Variants in UNC5C observed in about 807,000 individuals in gnomAD.
UNC5C encodes the protein netrin receptor UNC5C.
A neutral mutation model predicts 99.8 loss-of-function variants in UNC5C; 47 were observed. That is an observed-to-expected ratio of 0.47 (90% CI 0.37 to 0.60). The LOEUF (loss-of-function observed/expected upper bound fraction) is 0.60. Among genes scored for constraint, UNC5C ranks in the 20% least tolerant of loss-of-function variants. The pLI, the probability that UNC5C is intolerant of heterozygous loss-of-function variation, is 0.00. For synonymous variants in UNC5C, 487 were observed against 452.2 expected (o/e 1.08, Z -0.98); for missense variants, 1,062 against 1,165.9 (o/e 0.91, Z 1.30).
chr4:95,484,672 C>T (rs1447241948), intron 1 of UNC5C, among the ~76,000 whole-genome samples: 1 of 151,812 alleles, frequency 6.6e-6, no homozygotes, highest in African/African-American at 2.4e-5. Context: ...ATAAAGTAGA[C>T]ATTTGTGAAG....
At chr4:95,394,407 G>A (rs148912282) in intron 1 of UNC5C, among the ~76,000 whole-genome samples, 1 of 152,250 alleles carries the variant, frequency 6.6e-6, no homozygotes, top group East Asian at 1.9e-4. Flanking sequence ...GGGAGAACAG[G>A]GATCGACTTT....
chr4:95,286,019 G>A (rs1741222929), intron 3 of UNC5C, among the ~76,000 whole-genome samples: 1 of 152,050 alleles, frequency 6.6e-6, no homozygotes, highest in Admixed American at 6.6e-5. Flanking sequence ...AGTTTCATCA[G>A]CTTATAAATG....
chr4:95,516,108 A>AT lies in UNC5C; in HGVS notation c.124+32625dup, dbSNP rs76710270. 7.8e-3 allele frequency among the ~76,000 whole-genome samples: 1,193 copies of AT among 152,186 alleles called. 17 individuals carry two copies. The highest frequency in any genetic ancestry group is 0.048 in the East Asian group (249 of 5,172). ...GTGTAGGAAACAAATATTTATTGTC[A>AT]TTTTTTCTCAGTAATATGGTAGTAA... On this transcript the variant is annotated intron_variant, in intron 1 of 15. Transcript: ENST00000453304.
chr4:95,502,860 C>A (rs1721811562), intron 1 of UNC5C, among the ~76,000 whole-genome samples: 2 of 152,100 alleles, frequency 1.3e-5, no homozygotes, highest in Non-Finnish European at 2.9e-5. Context: ...TTTAAAATTT[C>A]TCTCCCGCAA....
intron 2 of UNC5C, among the ~76,000 whole-genome samples, chr4:95,327,730 C>T (rs200884596): frequency 6.6e-6 from 1 of 152,086 alleles, no homozygotes. Context: ...GGAGCCTGGC[C>T]GCAGATGGCC....
intron 1 of UNC5C, among the ~76,000 whole-genome samples, chr4:95,422,619 C>A (rs987123745): frequency 1.3e-5 from 2 of 152,152 alleles, no homozygotes; most frequent in African/African-American, 4.8e-5. Context: ...GTCGCCTCAA[C>A]CTTCTTAACT....
intron 14 of UNC5C, among the ~76,000 whole-genome samples, chr4:95,181,544 C>T (rs1043876051): frequency 1.3e-5 from 2 of 152,080 alleles, no homozygotes; most frequent in African/African-American, 4.8e-5. Flanking sequence ...CTTTGCAGAC[C>T]TGCTGGGCCT....
chr4:95,468,884 G>T (rs1404531632), intron 1 of UNC5C, among the ~76,000 whole-genome samples: 1 of 152,048 alleles, frequency 6.6e-6, no homozygotes, highest in African/African-American at 2.4e-5. Flanking sequence ...TCCCTTTTTG[G>T]CAAGGTACTT....
intron 7 of UNC5C, among the ~76,000 whole-genome samples, chr4:95,236,256 A>T (rs1166568025): frequency 2.0e-5 from 3 of 152,142 alleles, no homozygotes. Context: ...ATGCAGCCAT[A>T]AAAAGGATGA....
At chr4:95,408,794 T>A (rs983232778) in intron 1 of UNC5C, among the ~76,000 whole-genome samples, 1 of 152,214 alleles carries the variant, frequency 6.6e-6, no homozygotes, top group Non-Finnish European at 1.5e-5. Context: ...GACATTTCTC[T>A]TCAAATATGA....
At chr4:95,467,036 A>G (rs1271213301) in intron 1 of UNC5C, among the ~76,000 whole-genome samples, 4 of 152,164 alleles carry the variant, frequency 2.6e-5, no homozygotes, top group African/African-American at 9.6e-5. Flanking sequence ...CACTCGAGCC[A>G]TGATGAGAAA....
intron 12 of UNC5C, among the ~76,000 whole-genome samples, chr4:95,201,848 C>T (rs1398232985): frequency 3.3e-5 from 5 of 152,166 alleles, no homozygotes; most frequent in Non-Finnish European, 7.3e-5. Context: ...TCGTGATCCA[C>T]CCGCCTTAGC....
At chr4:95,221,105 A>G (rs1738453784) in intron 7 of UNC5C, among the ~76,000 whole-genome samples, 1 of 152,196 alleles carries the variant, frequency 6.6e-6, no homozygotes, top group Non-Finnish European at 1.5e-5. Flanking sequence ...GCTTGCATCT[A>G]ACTGGAAAAG....
intron 1 of UNC5C, among the ~76,000 whole-genome samples, chr4:95,481,378 C>G (rs200281821): frequency 0.35 from 53,283 of 150,808 alleles, 10,461 homozygotes; most frequent in Non-Finnish European, 0.45. Context: ...ACAAATGGAA[C>G]AACATTCCAT....
chr4:95,338,392 G>A (rs10026678), intron 1 of UNC5C, among the ~76,000 whole-genome samples: 94,121 of 151,830 alleles, frequency 0.62, 29,497 homozygotes, highest in East Asian at 0.85. Context: ...CTCTTCAACT[G>A]AAATAATAGA....
chr4:95,263,783 A>C (rs938776696), intron 4 of UNC5C, among the ~76,000 whole-genome samples: 1 of 152,202 alleles, frequency 6.6e-6, no homozygotes. Context: ...TTTGAAAAGG[A>C]TACTATATGT....
intron 1 of UNC5C, among the ~76,000 whole-genome samples, chr4:95,542,855 G>T (rs1442595420): frequency 6.6e-6 from 1 of 151,906 alleles, no homozygotes; most frequent in Non-Finnish European, 1.5e-5. Context: ...TCATAAAAGT[G>T]TTCCTATAAA....
chr4:95,202,053 C>G (rs1737695119), intron 12 of UNC5C, among the ~76,000 whole-genome samples: 1 of 152,136 alleles, frequency 6.6e-6, no homozygotes, highest in Non-Finnish European at 1.5e-5. Context: ...CAGATTTCCT[C>G]AAAGTAATGA....
chr4:95,535,689 A>G (rs1485365302), intron 1 of UNC5C, among the ~76,000 whole-genome samples: 1 of 152,208 alleles, frequency 6.6e-6, no homozygotes, highest in Non-Finnish European at 1.5e-5. Flanking sequence ...AAAGGCTGCC[A>G]TTAGTATTTG....
Sources: gnomAD v4.1 joint callset for allele counts (sites outside exome capture counted in the v4.1 genomes callset) on GRCh38, gnomAD v4.1.1 for gene constraint, MANE v1.5 for transcripts, NCBI Gene and HGNC (gene_info 2026-07-23, HGNC 2026-07-21) for gene names.